CDK1: variants seen among roughly 807,000 people sequenced by gnomAD.
CDK1 encodes cyclin-dependent kinase 1.
Under a neutral mutation model 34.6 loss-of-function variants are expected in CDK1, and 5 were observed. The observed-to-expected ratio is 0.14, with a 90% CI of 0.08 to 0.30. The LOEUF is 0.30. CDK1 is among the 10% of genes least tolerant of loss of function. CDK1 has a pLI of 1.00. For synonymous variants in CDK1, 108 were observed against 114.7 expected, an observed-to-expected ratio of 0.94 and a Z score of 0.37; for missense variants, 157 against 345.7, an observed-to-expected ratio of 0.45 and a Z score of 4.33.
intron 4 of CDK1, chr10:60,786,298 C>T: frequency 4.1e-6 from 4 of 977,910 alleles, no homozygotes; most frequent in Non-Finnish European, 4.9e-6. Context: ...TAATCTTACA[C>T]TTGTATGTAT....
chr10:60,781,049 T>C (rs1301809294), intron 2 of CDK1, among the ~76,000 whole-genome samples: 2 of 97,858 alleles, frequency 2.0e-5, no homozygotes, highest in Admixed American at 2.4e-4. Context: ...TGTATACATA[T>C]ATATATATAT....
chr10:60,787,192 C>A (rs1194540328), intron 4 of CDK1: 7 of 338,934 alleles, frequency 2.1e-5, no homozygotes, highest in Non-Finnish European at 2.9e-5. Context: ...ACTTCATTTA[C>A]CCATACAACC....
intron 2 of CDK1, 72 bp from the exon 3 acceptor site, chr10:60,784,633 G>GA (rs547364646): frequency 0.062 from 59,161 of 956,888 alleles, 5 homozygotes; most frequent in South Asian, 0.096. Flanking sequence ...CTGCCATAAG[G>GA]AAAAAAAAAA....
chr10:60,787,145 A>C (rs1202116685), intron 4 of CDK1: 2 of 775,098 alleles, frequency 2.6e-6, no homozygotes, highest in African/African-American at 1.9e-5. Context: ...TCAGTTTTAC[A>C]ATGAAGCAGA....
chr10:60,790,253 G>T (rs2080350088), intron 5 of CDK1, among the ~76,000 whole-genome samples: 1 of 151,874 alleles, frequency 6.6e-6, no homozygotes, highest in African/African-American at 2.4e-5. Flanking sequence ...TTGTCTATTT[G>T]TTATTGCTGA....
chr10:60,789,382 C>G (rs914758942), intron 5 of CDK1, among the ~76,000 whole-genome samples: 1 of 152,156 alleles, frequency 6.6e-6, no homozygotes, highest in African/African-American at 2.4e-5. Flanking sequence ...ACCAACTTAT[C>G]TCTGTCTTCC....
rs187269251 is a variant in CDK1 at position 60,788,399 on chromosome 10, C to A, written c.489+169C>A. Among the ~76,000 whole-genome samples, 43 of 152,196 alleles carry A rather than the reference C, an allele frequency of 2.8e-4. No individual in the cohort carries two copies. The East Asian group carries it at 7.7e-3, about 27-fold the overall frequency. The stretch of plus-strand genomic sequence containing the variant: ...CATTGCATGCTATGTGAAAATGGAA[C>A]TGAAGCCTTTAAGTATTTTTTCTTT... On this transcript the variant is annotated intron_variant, in intron 5 of 7. Coordinates refer to ENST00000395284, the MANE Select transcript of CDK1 (RefSeq NM_001786.5).
chr10:60,785,297 T>C (rs1204015032), intron 3 of CDK1, among the ~76,000 whole-genome samples: 1 of 152,158 alleles, frequency 6.6e-6, no homozygotes, highest in African/African-American at 2.4e-5. Flanking sequence ...CAAGTTAAAA[T>C]CTAATTGTAC....
At chr10:60,781,582 A>C (rs186841072) in intron 2 of CDK1, among the ~76,000 whole-genome samples, 1 of 152,278 alleles carries the variant, frequency 6.6e-6, no homozygotes, top group East Asian at 1.9e-4. Flanking sequence ...ACATTGTATT[A>C]TTACTATGAA....
At chr10:60,782,601 C>G (rs937647855) in intron 2 of CDK1, among the ~76,000 whole-genome samples, 1 of 152,110 alleles carries the variant, frequency 6.6e-6, no homozygotes, top group African/African-American at 2.4e-5. Context: ...TTAAGGGCCT[C>G]CATAACTTGA....
intron 2 of CDK1, among the ~76,000 whole-genome samples, chr10:60,781,385 T>TC (rs1342921134): frequency 6.6e-6 from 1 of 152,106 alleles, no homozygotes; most frequent in African/African-American, 2.4e-5. Flanking sequence ...TCATAAGACT[T>TC]CCATTCTTTA....
At chr10:60,784,604 TG>T in intron 2 of CDK1, 100 bp from the exon 3 acceptor site, 1 of 1,002,484 alleles carries the variant, frequency 1.0e-6, no homozygotes, top group Non-Finnish European at 1.5e-6. Flanking sequence ...CACTCCAACC[TG>T]GACAAGAAAA....
intron 2 of CDK1, among the ~76,000 whole-genome samples, chr10:60,782,264 A>G (rs962983418): frequency 3.9e-5 from 6 of 152,154 alleles, no homozygotes; most frequent in Non-Finnish European, 7.4e-5. Flanking sequence ...ATCTGTATGT[A>G]TGTTAGCATT....
chr10:60,781,841 C>A (rs2080276022), intron 2 of CDK1, among the ~76,000 whole-genome samples: 1 of 152,124 alleles, frequency 6.6e-6, no homozygotes, highest in Admixed American at 6.5e-5. Flanking sequence ...TTGTCTTGTT[C>A]ACAACTGTTT....
chr10:60,780,552 T>G (rs2132061242), intron 2 of CDK1, among the ~76,000 whole-genome samples: 1 of 152,268 alleles, frequency 6.6e-6, no homozygotes, highest in South Asian at 2.1e-4. Flanking sequence ...CATAATATAT[T>G]TTTAGTTTTA....
intron 2 of CDK1, among the ~76,000 whole-genome samples, chr10:60,783,804 A>G (rs1405790651): frequency 6.6e-6 from 1 of 152,186 alleles, no homozygotes; most frequent in African/African-American, 2.4e-5. Context: ...ATATATCAAA[A>G]TCAGTATTTT....
chr10:60,793,177 C>T (rs921876818), intron 7 of CDK1, among the ~76,000 whole-genome samples: 4 of 151,968 alleles, frequency 2.6e-5, no homozygotes, highest in African/African-American at 7.2e-5. Flanking sequence ...ACATTAATAC[C>T]TACTTTTAGC....
chr10:60,789,433 A>G (rs2080340439), intron 5 of CDK1, among the ~76,000 whole-genome samples: 1 of 152,202 alleles, frequency 6.6e-6, no homozygotes, highest in Non-Finnish European at 1.5e-5. Context: ...CTCTATGGCC[A>G]TTAGATCAAC....
intron 4 of CDK1, chr10:60,786,356 C>T: frequency 1.2e-6 from 1 of 819,102 alleles, no homozygotes; most frequent in Non-Finnish European, 1.5e-6. Flanking sequence ...ACAAGGTGGA[C>T]TTATTTGCAT....
Sources: gnomAD v4.1 joint callset for allele counts (sites outside exome capture counted in the v4.1 genomes callset) on GRCh38, gnomAD v4.1.1 for gene constraint, MANE v1.5 for transcripts, NCBI Gene and HGNC (gene_info 2026-07-23, HGNC 2026-07-21) for gene names.